The following CCDC102B variants were observed in gnomAD, a reference collection of about 807,000 sequenced individuals.
CCDC102B encodes the protein coiled-coil domain-containing protein 102B.
Under a neutral mutation model 57.4 loss-of-function variants are expected in CCDC102B, and 75 were observed. That is an observed-to-expected ratio of 1.31 (90% CI 1.08 to 1.58). CCDC102B has a LOEUF of 1.58. CCDC102B is among the 40% of genes most tolerant of loss of function. CCDC102B has a pLI of 0.00. For missense variants in CCDC102B, 636 were observed against 582.6 expected (o/e 1.09, Z -0.94); for synonymous variants, 206 against 201.9 (o/e 1.02, Z -0.17).
At position 68,939,262 on chromosome 18, in the gene CCDC102B, C is replaced by T. The variant is rs979427275; in HGVS notation, c.1263+41834C>T. Reference sequence around the variant, plus strand: ...CTCCCTACCAAATGTTTTGCCTTTCCTTATTCTGATATCAGGGGCTTTATT... The same window carrying T: ...CTCCCTACCAAATGTTTTGCCTTTCTTTATTCTGATATCAGGGGCTTTATT... On this transcript the variant is annotated intron_variant, in intron 6 of 7. Transcript: ENST00000360242. Among the ~76,000 whole-genome samples the T allele has an allele frequency of 2.6e-5, 4 of 151,706 alleles. No individual in the cohort carries two copies. In the East Asian group the frequency reaches 5.8e-4, roughly 22 times the overall value.
At chr18:68,934,283 A>G (rs1488145617) in intron 6 of CCDC102B, among the ~76,000 whole-genome samples, 1 of 151,900 alleles carries the variant, frequency 6.6e-6, no homozygotes, top group Admixed American at 6.6e-5. Context: ...TCTTTTTTTG[A>G]CTATCAGAAA....
intron 1 of CCDC102B, among the ~76,000 whole-genome samples, chr18:68,812,882 G>C (rs893521502): frequency 1.3e-5 from 2 of 152,116 alleles, no homozygotes; most frequent in Non-Finnish European, 2.9e-5. Context: ...AGCCTGAGAA[G>C]GGGGATATCC....
chr18:68,901,901 G>A (rs2040466983), intron 6 of CCDC102B, among the ~76,000 whole-genome samples: 1 of 152,078 alleles, frequency 6.6e-6, no homozygotes, highest in African/African-American at 2.4e-5. Flanking sequence ...GAAGTTGATG[G>A]AAAACTTCCT....
chr18:68,816,106 G>A, intron 1 of CCDC102B, among the ~76,000 whole-genome samples: 1 of 152,276 alleles, frequency 6.6e-6, no homozygotes, highest in East Asian at 1.9e-4. Flanking sequence ...ATTGTTAAAA[G>A]AATTGATTCT....
rs1555733113 is a variant in CCDC102B, at chr18:68,956,472, T to TAAATATTA, written c.1264-54462_1264-54461insAAATATTA. On this transcript the variant is annotated intron_variant, in intron 6 of 7. Transcript: ENST00000360242. ...ATATATTATATATTTTATATATATA[T>TAAATATTA]TATATATATATAATATATATATAAA... Among the ~76,000 whole-genome samples the TAAATATTA allele has an allele frequency of 9.0e-5, 6 of 66,778 alleles. 1 individual carries two copies. Among genetic ancestry groups the TAAATATTA allele is most frequent in the East Asian group, 7.9e-4 (2 of 2,526 alleles). 43.8% of individuals were successfully genotyped at this position (66,778 alleles called of 152,430 possible). A position where few individuals can be genotyped will look rare whatever the true frequency, so the allele number is the denominator to read the frequency against.
intron 6 of CCDC102B, among the ~76,000 whole-genome samples, chr18:69,006,090 T>C (rs942902524): frequency 6.6e-6 from 1 of 152,168 alleles, no homozygotes; most frequent in Non-Finnish European, 1.5e-5. Flanking sequence ...CTGAAGTACA[T>C]AGAGATATTT....
intron 6 of CCDC102B, among the ~76,000 whole-genome samples, chr18:68,969,877 A>G (rs2050258891): frequency 6.6e-6 from 1 of 152,136 alleles, no homozygotes; most frequent in Admixed American, 6.5e-5. Flanking sequence ...AGAGCAAATT[A>G]TCAATGGTTT....
intron 6 of CCDC102B, among the ~76,000 whole-genome samples, chr18:68,922,083 A>G (rs557177191): frequency 1.3e-5 from 2 of 152,154 alleles, no homozygotes; most frequent in Non-Finnish European, 2.9e-5. Flanking sequence ...TCAGCCATGC[A>G]CACCAGAATC....
In CCDC102B at chr18:68,871,410, G is replaced by A. The variant is rs1312976888; in HGVS notation, c.937-3259G>A. On this transcript the variant is annotated intron_variant, in intron 4 of 7. Coordinates refer to ENST00000360242, the MANE Select transcript of CCDC102B (RefSeq NM_024781.3). ...GTCCACTGCTTTAAATTTTTCAGCT[G>A]CTAAATAGATTTTCTTTACAAATCC... 1.1e-4 allele frequency among the ~76,000 whole-genome samples: 8 copies of A among 73,602 alleles called. No individual in the cohort carries two copies. In the East Asian group the frequency reaches 9.8e-3, roughly 90 times the overall value. 48.3% of individuals were successfully genotyped at this position (73,602 alleles called of 152,430 possible).
At chr18:68,903,373 G>A (rs540031037) in intron 6 of CCDC102B, among the ~76,000 whole-genome samples, 1 of 152,250 alleles carries the variant, frequency 6.6e-6, no homozygotes, top group South Asian at 2.1e-4. Context: ...GAAAAGTGGG[G>A]TCTGTGCTCA....
rs1191080487 is a variant in CCDC102B, at chr18:68,853,526, T to C, written c.936+7105T>C. ...AAAGTATTAGTTATTTTTAAATTAT[T>C]ACTAGAACTTTTATTATGTTTTCTA... On this transcript the variant is annotated intron_variant, in intron 4 of 7. Coordinates refer to ENST00000360242, the MANE Select transcript of CCDC102B (RefSeq NM_024781.3). Among the ~76,000 whole-genome samples the C allele has an allele frequency of 2.6e-5, 4 of 152,114 alleles. No individual in the cohort carries two copies. In the South Asian group the frequency reaches 8.3e-4, roughly 32 times the overall value.
chr18:68,881,893 G>A (rs1300357342), intron 5 of CCDC102B, among the ~76,000 whole-genome samples: 3 of 151,916 alleles, frequency 2.0e-5, no homozygotes, highest in African/African-American at 7.3e-5. Context: ...TTTGTTCATT[G>A]TATTGTTATA....
In CCDC102B at chr18:68,789,264, T is replaced by A. The variant is rs1169184849; in HGVS notation, c.-66-34102T>A. 7.2e-5 allele frequency among the ~76,000 whole-genome samples: 11 copies of A among 152,186 alleles called. No homozygotes were observed. The East Asian group carries it at 1.9e-3, about 27-fold the overall frequency. ...CTTTCTCTCTGGCTGCCCTTAACAT[T>A]TTTTCCTTCATTTCAGCTTTGGTGA... On this transcript the variant is annotated intron_variant, in intron 2 of 3. Transcript: ENST00000578970.
downstream of CCDC102B, among the ~76,000 whole-genome samples, chr18:69,056,643 A>AGATAGATGGATAGATAGATC (rs1407192653): frequency 1.4e-5 from 2 of 146,796 alleles, no homozygotes; most frequent in African/African-American, 5.1e-5. Flanking sequence ...GATAATAGAT[A>AGATAGATGGATAGATAGATC]GATAGATAGA....
chr18:68,759,373 A>G (rs779053984), intron 2 of CCDC102B, among the ~76,000 whole-genome samples: 1 of 152,132 alleles, frequency 6.6e-6, no homozygotes, highest in Non-Finnish European at 1.5e-5. Flanking sequence ...TGCTTAGCTC[A>G]AAGAATAGAC....
At chr18:68,778,550 T>C (rs1253245141) in intron 2 of CCDC102B, among the ~76,000 whole-genome samples, 1 of 152,076 alleles carries the variant, frequency 6.6e-6, no homozygotes, top group East Asian at 1.9e-4. Flanking sequence ...TAAAAATAAG[T>C]AGTGAACAAA....
chr18:68,822,547 C>T (rs923488231), intron 1 of CCDC102B, among the ~76,000 whole-genome samples: 1 of 151,958 alleles, frequency 6.6e-6, no homozygotes, highest in Non-Finnish European at 1.5e-5. Flanking sequence ...TTTTTAGATA[C>T]ATAAGGTACC....
intron 1 of CCDC102B, among the ~76,000 whole-genome samples, chr18:68,831,682 G>T (rs143244105): frequency 6.6e-6 from 1 of 152,076 alleles, no homozygotes; most frequent in Non-Finnish European, 1.5e-5. Flanking sequence ...TTGCTACAGC[G>T]TAAGGATTTT....
At chr18:68,768,730 A>C (rs1046744679) in intron 2 of CCDC102B, among the ~76,000 whole-genome samples, 22 of 151,864 alleles carry the variant, frequency 1.4e-4, no homozygotes, top group African/African-American at 5.1e-4. Context: ...AACTATATAA[A>C]TAGATATATC....
Sources: allele counts gnomAD v4.1 joint callset (sites outside exome capture counted in the v4.1 genomes callset), GRCh38; gene constraint gnomAD v4.1.1; transcripts MANE v1.5; gene names NCBI Gene and HGNC (gene_info 2026-07-23, HGNC 2026-07-21).